The following PRELID3B variants were observed in gnomAD, a reference collection of about 807,000 sequenced individuals.
PRELID3B encodes the protein PRELI domain containing protein 3B.
A neutral mutation model predicts 24.0 loss-of-function variants in PRELID3B; 15 were observed. That is an observed-to-expected ratio of 0.63 (90% CI 0.42 to 0.96). PRELID3B has a LOEUF of 0.96. Among genes scored for constraint, PRELID3B ranks in the 40% least tolerant of loss-of-function variants. The pLI is 0.00. For synonymous variants in PRELID3B, 62 were observed against 76.0 expected (o/e 0.82, Z 0.96); for missense variants, 189 against 236.0 (o/e 0.80, Z 1.30).
intron 2 of PRELID3B, chr20:59,038,237 C>T (rs546308543): frequency 3.0e-5 from 13 of 428,840 alleles, no homozygotes; most frequent in Middle Eastern, 4.6e-4. Flanking sequence ...TCAGATCACA[C>T]GGCATTAGCT....
intron 1 of PRELID3B, among the ~76,000 whole-genome samples, chr20:59,039,068 G>T (rs963218883): frequency 4.6e-5 from 7 of 152,174 alleles, no homozygotes; most frequent in African/African-American, 1.7e-4. Context: ...AGTAACAAAA[G>T]TAAAAGAGTT....
chr20:59,037,094 A>G (rs1427995712), intron 3 of PRELID3B, 97 bp downstream of exon 3: 1 of 893,580 alleles, frequency 1.1e-6, no homozygotes, highest in African/African-American at 1.7e-5. Context: ...TCTCTGAACC[A>G]CATCATGAAC....
In PRELID3B at chr20:59,038,640, G is replaced by C; in HGVS notation, c.33-6C>G. On this transcript the variant is annotated splice_region_variant and splice_polypyrimidine_tract_variant and intron_variant, in intron 1 of 5. Transcript: ENST00000355937. ...TAACAGTTTCCCACGGGTGGCTGCC[G>C]ATGTGAACCAAAAAAAAAAAAAAAA... 6.8e-7 allele frequency: 1 copy of C among 1,473,400 alleles called. No homozygotes were observed. Among genetic ancestry groups the C allele is most frequent in the Non-Finnish European group, 8.9e-7 (1 of 1,119,180 alleles). The allele number at this position is 1,473,400 out of a possible 1,614,324, so 91.3% of individuals were successfully genotyped here.
chr20:59,041,916 T>C (rs1450799796), intron 1 of PRELID3B, among the ~76,000 whole-genome samples: 1 of 152,218 alleles, frequency 6.6e-6, no homozygotes, highest in Non-Finnish European at 1.5e-5. Context: ...TTGTGGCTCT[T>C]TTGTAAATGG....
rs2092059955 is a variant in PRELID3B, at chr20:59,034,942, CAAAT to C, written c.*61_*64del. ...AAATATAGTTGTATTTTTAAAATAACAAATAAATATATAGTCAGTTTGGAGAGAC... is the reference window on the plus strand; with the variant it reads ...AAATATAGTTGTATTTTTAAAATAACAAATATATAGTCAGTTTGGAGAGAC... On this transcript the variant is annotated 3_prime_UTR_variant, in exon 6 of 6. Transcript: ENST00000355937. 1.0e-6 allele frequency: 1 copy of C among 997,748 alleles called. No homozygotes were observed. The highest frequency in any genetic ancestry group is 1.9e-5 in the African/African-American group (1 of 52,676). The allele number at this position is 997,748 out of a possible 1,614,324, so 61.8% of individuals were successfully genotyped here.
chr20:59,036,403 A>C, intron 5 of PRELID3B, 68 bp downstream of exon 5: 1 of 1,194,150 alleles, frequency 8.4e-7, no homozygotes, highest in Middle Eastern at 2.7e-4. Context: ...ACACACATGC[A>C]GTCAGCACCC....
chr20:59,042,665 C>A (rs2092119369), intron 1 of PRELID3B, 34 bp downstream of exon 1: 1 of 1,574,938 alleles, frequency 6.3e-7, no homozygotes. Context: ...GGCGTGCCTG[C>A]CCTCCACGGA....
chr20:59,041,918 T>C (rs1214504324), intron 1 of PRELID3B, among the ~76,000 whole-genome samples: 1 of 152,228 alleles, frequency 6.6e-6, no homozygotes, highest in Non-Finnish European at 1.5e-5. Context: ...GTGGCTCTTT[T>C]GTAAATGGAA....
chr20:59,039,220 G>C (rs1228397775), intron 1 of PRELID3B, among the ~76,000 whole-genome samples: 1 of 152,140 alleles, frequency 6.6e-6, no homozygotes, highest in Admixed American at 6.5e-5. Context: ...TCAAAAGAGT[G>C]ATTCTGATTT....
In PRELID3B at chr20:59,036,716, G is replaced by A. The variant is rs562251610; in HGVS notation, c.336C>T (p.Tyr112=). ...TTTCTGGATCCTGAGGATGTGGTTT[G>A]TATATAAGTCTCTCATCTACTGAAA... ...NMVSVDERLI[Y]KPHPQDPEKT... Residue 112 remains tyrosine, a synonymous_variant, in exon 4 of 6, where the codon TAC becomes TAT. Transcript: ENST00000355937. The A allele has an allele frequency of 1.3e-6, 2 of 1,599,084 alleles. No homozygotes were observed. Among genetic ancestry groups the A allele is most frequent in the African/African-American group, 1.3e-5 (1 of 74,356 alleles).
Position 59,035,005 on chromosome 20 carries a change from G to A in PRELID3B, c.*2C>T, listed in dbSNP as rs764705389. On this transcript the variant is annotated 3_prime_UTR_variant, in exon 6 of 6. Coordinates refer to ENST00000355937, the MANE Select transcript of PRELID3B (RefSeq NM_016045.3). ...CCCGATGTTGTCTACCAACTGTCAC[G>A]ATCACTTCTCTGCAAACGCTGCTGC... The A allele has an allele frequency of 2.5e-6, 4 of 1,611,410 alleles. No individual in the cohort carries two copies. The highest frequency in any genetic ancestry group is 2.7e-5 in the African/African-American group (2 of 74,828).
rs1451101221 is a variant in PRELID3B, at chr20:59,040,297, A to G, written c.33-1663T>C. Among the ~76,000 whole-genome samples, 1 of 152,238 alleles carries G rather than the reference A, an allele frequency of 6.6e-6. No homozygotes were observed. The highest frequency in any genetic ancestry group is 1.5e-5 in the Non-Finnish European group (1 of 68,042). On this transcript the variant is annotated intron_variant, in intron 1 of 5. Coordinates refer to ENST00000355937, the MANE Select transcript of PRELID3B (RefSeq NM_016045.3). The surrounding 1 kb of genome is among the most constrained non-coding windows in gnomAD (Gnocchi z 4.1). The stretch of plus-strand genomic sequence containing the variant: ...AGCAATTAATCTGAGCTGTATTAAC[A>G]TAATTACGTGGAAAAGATCTCACAA...
At chr20:59,042,023 C>G (rs1397716796) in intron 1 of PRELID3B, among the ~76,000 whole-genome samples, 1 of 152,224 alleles carries the variant, frequency 6.6e-6, no homozygotes, top group Non-Finnish European at 1.5e-5. Flanking sequence ...AAAGATGTTC[C>G]TGAACGTGGC....
At position 59,038,642 on chromosome 20, in the gene PRELID3B, T is replaced by C. The variant is rs755548176; in HGVS notation, c.33-8A>G. On this transcript the variant is annotated splice_region_variant and splice_polypyrimidine_tract_variant and intron_variant, in intron 1 of 5. Coordinates refer to ENST00000355937, the MANE Select transcript of PRELID3B (RefSeq NM_016045.3). ...ACAGTTTCCCACGGGTGGCTGCCGATGTGAACCAAAAAAAAAAAAAAAAAA... is the reference window on the plus strand; with the variant it reads ...ACAGTTTCCCACGGGTGGCTGCCGACGTGAACCAAAAAAAAAAAAAAAAAA... The C allele has an allele frequency of 2.7e-6, 4 of 1,468,640 alleles. No individual in the cohort carries two copies. Among genetic ancestry groups the C allele is most frequent in the Admixed American group, 2.6e-5 (1 of 38,128 alleles). The allele number at this position is 1,468,640 out of a possible 1,614,324, so 91.0% of individuals were successfully genotyped here. A position where few individuals can be genotyped will look rare whatever the true frequency, so the allele number is the denominator to read the frequency against.
intron 5 of PRELID3B, 21 bp downstream of exon 5, chr20:59,036,450 C>T (rs905674001): frequency 3.8e-6 from 6 of 1,566,238 alleles, no homozygotes; most frequent in Admixed American, 3.3e-5. Flanking sequence ...GGAATAATAA[C>T]CAAGAAGCAG....
intron 3 of PRELID3B, among the ~76,000 whole-genome samples, chr20:59,036,965 C>T (rs1223144596): frequency 1.3e-5 from 2 of 152,158 alleles, no homozygotes; most frequent in African/African-American, 4.8e-5. Context: ...TGATAATACA[C>T]ATAATCCCAA....
In PRELID3B at chr20:59,034,827, T is replaced by A; in HGVS notation, c.*180A>T. 2.3e-6 allele frequency: 1 copy of A among 429,152 alleles called. No individual in the cohort carries two copies. Among genetic ancestry groups the A allele is most frequent in the Non-Finnish European group, 3.9e-6 (1 of 254,474 alleles). The allele number at this position is 429,152 out of a possible 1,614,324, so 26.6% of individuals were successfully genotyped here. On this transcript the variant is annotated 3_prime_UTR_variant, in exon 6 of 6. Transcript: ENST00000355937. ...TTCAAACAACATTAATTTCAGATGATCCCTTTTATTTAGAGGCCCTGCATC... is the reference window on the plus strand; with the variant it reads ...TTCAAACAACATTAATTTCAGATGAACCCTTTTATTTAGAGGCCCTGCATC...
At position 59,042,743 on chromosome 20, in the gene PRELID3B, C is replaced by A; in HGVS notation, c.-13G>T. On this transcript the variant is annotated 5_prime_UTR_variant, in exon 1 of 6. It adds an upstream start codon to the 5' untranslated region. Transcript: ENST00000355937. Reference sequence around the variant, plus strand: ...TCCAGATCTTCATGGTGCCGGCACCCTGAGAGATGTCCGGGTAGCGCCAGG... The same window carrying A: ...TCCAGATCTTCATGGTGCCGGCACCATGAGAGATGTCCGGGTAGCGCCAGG... The A allele has an allele frequency of 6.2e-7, 1 of 1,600,658 alleles. No individual in the cohort carries two copies. Among genetic ancestry groups the A allele is most frequent in the East Asian group, 2.3e-5 (1 of 44,378 alleles).
At chr20:59,038,907 T>C (rs1326585759) in intron 1 of PRELID3B, among the ~76,000 whole-genome samples, 1 of 152,238 alleles carries the variant, frequency 6.6e-6, no homozygotes, top group East Asian at 1.9e-4. Flanking sequence ...CTACTTATCC[T>C]TATCCACTTT....
Sources: gnomAD v4.1 joint callset for allele counts (sites outside exome capture counted in the v4.1 genomes callset) on GRCh38, gnomAD v4.1.1 for gene constraint, Gnocchi (gnomAD v3.1) non-coding constraint, MANE v1.5 for transcripts, NCBI Gene and HGNC (gene_info 2026-07-23, HGNC 2026-07-21) for gene names.